The following TP53BP1 variants were observed in gnomAD, a reference collection of about 807,000 sequenced individuals.
TP53BP1 encodes the protein tumor protein p53 binding protein 1.
A neutral mutation model predicts 200.8 loss-of-function variants in TP53BP1; 61 were observed. That is an observed-to-expected ratio of 0.30 (90% CI 0.25 to 0.38). The LOEUF (loss-of-function observed/expected upper bound fraction) is 0.38, where lower values mean the gene tolerates loss of function less well. TP53BP1 is among the 10% of genes least tolerant of loss of function. The probability of loss-of-function intolerance (pLI) is 1.00; values close to 1 mark genes in which losing one functional copy is unlikely to be tolerated. For missense variants in TP53BP1, 2,144 were observed against 2,371.9 expected, an observed-to-expected ratio of 0.90 and a Z score of 2.00; for synonymous variants, 822 against 844.3, an observed-to-expected ratio of 0.97 and a Z score of 0.46.
chr15:43,421,147 C>T lies in TP53BP1; in HGVS notation c.4128G>A (p.Gly1376=), dbSNP rs374260931. ...CACCATCCTCCTCACACACTGGCGT[C>T]CCTGTCTGACTGACCCCTTTTCTAG... ...LSPRKGVSQT[G]TPVCEEDGDA... Residue 1376 remains glycine (G), a synonymous_variant, in exon 20 of 28, where the codon GGG becomes GGA. Transcript: ENST00000382044. 5.0e-6 allele frequency: 8 copies of T among 1,614,082 alleles called. No homozygotes were observed. The highest frequency in any genetic ancestry group is 5.9e-6 in the Non-Finnish European group (7 of 1,180,030).
chr15:43,451,341 C>T (rs1445157083), intron 12 of TP53BP1, among the ~76,000 whole-genome samples: 2 of 151,966 alleles, frequency 1.3e-5, no homozygotes, highest in East Asian at 3.9e-4. Flanking sequence ...CCCGTCCCCC[C>T]ACCCCACAAC....
chr15:43,460,303 C>T (rs2046399155), intron 11 of TP53BP1, among the ~76,000 whole-genome samples: 1 of 152,038 alleles, frequency 6.6e-6, no homozygotes, highest in African/African-American at 2.4e-5. Flanking sequence ...CTCTGCCAGC[C>T]AGGCTGGAGT....
chr15:43,423,464 T>A (rs1246106278), intron 18 of TP53BP1, among the ~76,000 whole-genome samples: 1 of 149,692 alleles, frequency 6.7e-6, no homozygotes, highest in East Asian at 2.0e-4. Context: ...TCAAGACCAG[T>A]CTGGCCATCA....
At chr15:43,494,778 A>C (rs2079170786), upstream of TP53BP1, among the ~76,000 whole-genome samples, 1 of 152,214 alleles carries the variant, frequency 6.6e-6, no homozygotes, top group African/African-American at 2.4e-5. Flanking sequence ...TGAGTCCCAT[A>C]AAAATCCCCC....
rs372966069 is a variant in TP53BP1 at position 43,447,455 on chromosome 15, T to G, written c.2747A>C (p.Glu916Ala). Residue 916 changes from glutamate (E) to alanine (A), a missense_variant, in exon 13 of 28, where the codon GAA becomes GCA. Transcript: ENST00000382044. ...ETPFHFTLPK[E>A]GDIIPPLTGA... ...AGTCAATGGTGGGATGATATCACCT[T>G]CTTTAGGCAAAGTGAAATGAAATGG... The G allele has an allele frequency of 6.6e-7, 1 of 1,525,020 alleles. No individual in the cohort carries two copies. The highest frequency in any genetic ancestry group is 1.5e-5 in the African/African-American group (1 of 68,422). The allele number at this position is 1,525,020 out of a possible 1,614,324, so 94.5% of individuals were successfully genotyped here.
chr15:43,501,766 T>C (rs994038924), intron 1 of TP53BP1, among the ~76,000 whole-genome samples: 2 of 152,382 alleles, frequency 1.3e-5, no homozygotes, highest in East Asian at 1.9e-4. Flanking sequence ...TGCATGTTGC[T>C]GCATGCATCA....
chr15:43,454,835 G>A (rs560968863), intron 12 of TP53BP1, among the ~76,000 whole-genome samples: 1 of 152,180 alleles, frequency 6.6e-6, no homozygotes, highest in African/African-American at 2.4e-5. Context: ...AGGTTCAAGC[G>A]ATTCTCATGC....
At chr15:43,441,823 T>A (rs1253527492) in intron 14 of TP53BP1, among the ~76,000 whole-genome samples, 2 of 152,226 alleles carry the variant, frequency 1.3e-5, no homozygotes, top group African/African-American at 4.8e-5. Context: ...TGATCTCAGC[T>A]CACTGCAACC....
At position 43,474,665 on chromosome 15, in the gene TP53BP1, G is replaced by C; in HGVS notation, c.1180+8C>G. 1.9e-6 allele frequency: 3 copies of C among 1,590,464 alleles called. No individual in the cohort carries two copies. Among genetic ancestry groups the C allele is most frequent in the Non-Finnish European group, 2.6e-6 (3 of 1,159,204 alleles). ...TCTGAGATCAACAGACAGATCAAGA[G>C]AGCTCACCTTGTCTCCCTTCTTGCT... On this transcript the variant is annotated splice_region_variant and intron_variant, in intron 10 of 27. Transcript: ENST00000382044.
intron 18 of TP53BP1, among the ~76,000 whole-genome samples, chr15:43,425,505 C>T (rs2045506044): frequency 6.6e-6 from 1 of 152,176 alleles, no homozygotes; most frequent in Admixed American, 6.5e-5. Context: ...CCTATGGTCC[C>T]AGCTACTCAG....
chr15:43,420,676 T>A lies in TP53BP1; in HGVS notation c.4310A>T (p.Asp1437Val). 2 of 1,614,208 alleles carry A rather than the reference T, an allele frequency of 1.2e-6. No homozygotes were observed. The highest frequency in any genetic ancestry group is 1.7e-6 in the Non-Finnish European group (2 of 1,180,040). Residue 1437 changes from aspartate to valine, a missense_variant, in exon 21 of 28, where the codon GAT becomes GTT. By Grantham distance (152) the Asp-to-Val change is radical. This residue lies in a region of TP53BP1 where 1,700 missense variants were observed against 1,710.3 expected (regional missense o/e 0.99). Coordinates refer to ENST00000382044, the MANE Select transcript of TP53BP1 (RefSeq NM_001141980.3). ...IEDISPNLSP[D>V]DKSFSRVVPR... ...CACGACACGGCTGAAGGATTTATCATCTGGTGACAAGTTAGGTGAAATGTC... is the reference window on the plus strand; with the variant it reads ...CACGACACGGCTGAAGGATTTATCAACTGGTGACAAGTTAGGTGAAATGTC...
chr15:43,416,136 G>A (rs893376302), intron 22 of TP53BP1, 89 bp downstream of exon 22: 8 of 1,237,322 alleles, frequency 6.5e-6, no homozygotes, highest in African/African-American at 6.1e-5. Context: ...ATAAAAGTTA[G>A]GGAAACATTA....
chr15:43,443,762 C>T (rs552301557), intron 14 of TP53BP1, among the ~76,000 whole-genome samples: 4 of 151,992 alleles, frequency 2.6e-5, no homozygotes, highest in African/African-American at 9.7e-5. Flanking sequence ...GATTAAAGGT[C>T]GTACTGAAAA....
In TP53BP1 at chr15:43,456,742, A is replaced by G; in HGVS notation, c.1866T>C (p.Ile622=). ...REETVAEDVC[I]DLTCDSGSQA... ...GACTCCCCGAATCACAAGTGAGATC[A>G]ATACAAACATCTTCTGCTACCGTTT... The change falls in exon 12 of 28, where the codon ATT becomes ATC. Residue 622 remains isoleucine, a synonymous_variant. Coordinates refer to ENST00000382044, the MANE Select transcript of TP53BP1 (RefSeq NM_001141980.3). 6.2e-7 allele frequency: 1 copy of G among 1,614,134 alleles called. No homozygotes were observed. Among genetic ancestry groups the G allele is most frequent in the South Asian group, 1.1e-5 (1 of 91,084 alleles).
chr15:43,411,026 T>G (rs536362693), intron 24 of TP53BP1, among the ~76,000 whole-genome samples: 1 of 152,334 alleles, frequency 6.6e-6, no homozygotes, highest in African/African-American at 2.4e-5. Flanking sequence ...GTCACAATCT[T>G]CAGCACCAAG....
At chr15:43,485,187 AG>A (rs1415578424) in intron 4 of TP53BP1, among the ~76,000 whole-genome samples, 1 of 152,164 alleles carries the variant, frequency 6.6e-6, no homozygotes. Flanking sequence ...ACCCTACACA[AG>A]AATGTAAGCT....
At chr15:43,500,199 G>A (rs1478561711) in intron 1 of TP53BP1, among the ~76,000 whole-genome samples, 1 of 152,016 alleles carries the variant, frequency 6.6e-6, no homozygotes, top group African/African-American at 2.4e-5. Flanking sequence ...GCTTAAAATT[G>A]AACTCATCTC....
intron 23 of TP53BP1, 157 bp downstream of exon 23, chr15:43,415,437 G>A (rs2045241384): frequency 1.3e-6 from 1 of 765,320 alleles, no homozygotes; most frequent in East Asian, 2.6e-5. Flanking sequence ...GGGATACAGT[G>A]AGCTGTCCCT....
intron 12 of TP53BP1, among the ~76,000 whole-genome samples, chr15:43,449,400 T>C (rs902702039): frequency 1.3e-5 from 2 of 152,264 alleles, no homozygotes; most frequent in Non-Finnish European, 2.9e-5. Flanking sequence ...GACCTTTCTA[T>C]GTGACATACT....
Sources: allele counts gnomAD v4.1 joint callset (sites outside exome capture counted in the v4.1 genomes callset), GRCh38; gene constraint gnomAD v4.1.1; regional missense constraint gnomAD v4.1.1; transcripts MANE v1.5; gene names NCBI Gene and HGNC (gene_info 2026-07-23, HGNC 2026-07-21).